The following WDR75 variants were observed in gnomAD, a reference collection of about 807,000 sequenced individuals.
WDR75 encodes WD repeat domain 75.
A neutral mutation model predicts 106.1 loss-of-function variants in WDR75; 52 were observed. That is an observed-to-expected ratio of 0.49 (90% confidence interval 0.39 to 0.62). The LOEUF is 0.62. Among genes scored for constraint, WDR75 ranks in the 20% least tolerant of loss-of-function variants. WDR75 has a pLI of 0.00. For synonymous variants in WDR75, 333 were observed against 335.5 expected (o/e 0.99, Z 0.08); for missense variants, 905 against 970.3 (o/e 0.93, Z 0.89).
At chr2:189,442,405 A>G (rs1367597398) in intron 1 of WDR75, among the ~76,000 whole-genome samples, 2 of 142,608 alleles carry the variant, frequency 1.4e-5, no homozygotes, top group Non-Finnish European at 3.1e-5. Context: ...AAGAGTAGAG[A>G]TAGTATTTTA....
chr2:189,466,743 C>T (rs760188501), intron 13 of WDR75, among the ~76,000 whole-genome samples, 161 bp downstream of exon 13: 4 of 152,050 alleles, frequency 2.6e-5, no homozygotes, highest in Admixed American at 6.6e-5. Flanking sequence ...ATTTTACATG[C>T]CTTTTTCCTC....
chr2:189,474,207 C>T lies in WDR75; in HGVS notation c.2071C>T (p.Pro691Ser), dbSNP rs1687167677. 1.2e-6 allele frequency: 2 copies of T among 1,612,134 alleles called. No individual in the cohort carries two copies. Among genetic ancestry groups the T allele is most frequent in the African/African-American group, 1.3e-5 (1 of 74,934 alleles). Residue 691 changes from proline to serine, a missense_variant, in exon 19 of 21, where the codon CCC (proline) becomes TCC (serine). Physicochemically the swap from Pro to Ser is moderately conservative, Grantham distance 74 (BLOSUM62 -1). Coordinates refer to ENST00000314761, the MANE Select transcript of WDR75 (RefSeq NM_032168.3). ...AAAGCTGCTAGCAGAAGAAAGTCTT[C>T]CCACAACCCCATTTTATTTCATATT... ...SKQLLAEESL[P>S]TTPFYFILGK...
At chr2:189,460,841 A>G (rs983890303) in intron 8 of WDR75, among the ~76,000 whole-genome samples, 5 of 152,184 alleles carry the variant, frequency 3.3e-5, no homozygotes, top group Non-Finnish European at 5.9e-5. Context: ...TTCAAGTAGC[A>G]TGAATATTTT....
intron 18 of WDR75, among the ~76,000 whole-genome samples, chr2:189,472,242 G>A (rs1400518993): frequency 6.6e-6 from 1 of 152,104 alleles, no homozygotes; most frequent in Non-Finnish European, 1.5e-5. Flanking sequence ...TTGTGGTGGG[G>A]TAGAGAATAG....
At chr2:189,469,984 G>A in intron 16 of WDR75, 92 bp from the exon 17 acceptor site, 1 of 1,126,578 alleles carries the variant, frequency 8.9e-7, no homozygotes, top group Non-Finnish European at 1.3e-6. Context: ...ACTCAATGGG[G>A]TGAGTCCCAG....
intron 9 of WDR75, among the ~76,000 whole-genome samples, chr2:189,462,975 T>C (rs1034110096): frequency 6.6e-6 from 1 of 152,178 alleles, no homozygotes; most frequent in Non-Finnish European, 1.5e-5. Flanking sequence ...TTCATAAACC[T>C]TCCGTTTTCA....
intron 14 of WDR75, 66 bp from the exon 15 acceptor site, chr2:189,468,409 T>C (rs1687049130): frequency 7.0e-7 from 1 of 1,425,396 alleles, no homozygotes; most frequent in Admixed American, 1.7e-5. Flanking sequence ...GCTGGAAGCC[T>C]GCAGTTCTTT....
intron 12 of WDR75, 84 bp from the exon 13 acceptor site, chr2:189,466,341 G>T: frequency 6.8e-7 from 1 of 1,461,332 alleles, no homozygotes; most frequent in Non-Finnish European, 9.4e-7. Flanking sequence ...AGATGCTATT[G>T]TAAAATGTAC....
chr2:189,470,846 C>A lies in WDR75; in HGVS notation c.2017C>A (p.Pro673Thr). The change falls in exon 18 of 21, where the codon CCA becomes ACA. Residue 673 changes from proline to threonine, a missense_variant. Transcript: ENST00000314761. The part of the protein sequence containing the change: ...QSLLTFSTKS[P>T]EEKLTPTSKQ... ...TTTATTGACATTCAGTACAAAGTCTCCAGAAGAAAAACTCACACCAACAAG... is the reference window on the plus strand; with the variant it reads ...TTTATTGACATTCAGTACAAAGTCTACAGAAGAAAAACTCACACCAACAAG... The A allele has an allele frequency of 6.3e-7, 1 of 1,595,010 alleles. No individual in the cohort carries two copies. Among genetic ancestry groups the A allele is most frequent in the Non-Finnish European group, 8.5e-7 (1 of 1,172,176 alleles).
chr2:189,453,342 T>A (rs1686665569), intron 4 of WDR75, among the ~76,000 whole-genome samples: 1 of 152,192 alleles, frequency 6.6e-6, no homozygotes, highest in Admixed American at 6.5e-5. Flanking sequence ...TCGTCCCAGG[T>A]GATTCTGCTC....
chr2:189,444,529 A>C (rs1413763941), intron 1 of WDR75, among the ~76,000 whole-genome samples: 2 of 152,182 alleles, frequency 1.3e-5, no homozygotes, highest in African/African-American at 4.8e-5. Context: ...AAACTGAAAC[A>C]ATGAGTCATC....
rs148423434 is a variant in WDR75 at position 189,462,532 on chromosome 2, G to A, written c.827G>A (p.Arg276His). The A allele has an allele frequency of 1.7e-5, 27 of 1,613,904 alleles. No individual in the cohort carries two copies. The highest frequency in any genetic ancestry group is 1.6e-4 in the Middle Eastern group (1 of 6,082). The change falls in exon 9 of 21, where the codon CGC becomes CAC. Residue 276 changes from arginine to histidine, a missense_variant. Transcript: ENST00000314761. The stretch of plus-strand genomic sequence containing the variant: ...CGTGAATCTGTACTTGTAGAGTGGC[G>A]CGATGCAACAGAGAAGAATAAGGAG... The part of the protein sequence containing the change: ...GGRESVLVEW[R>H]DATEKNKEFL...
chr2:189,472,828 A>C (rs902344562), intron 18 of WDR75, among the ~76,000 whole-genome samples: 1 of 152,228 alleles, frequency 6.6e-6, no homozygotes, highest in Non-Finnish European at 1.5e-5. Flanking sequence ...CCCAAAACTT[A>C]ACCTGAAGCC....
At chr2:189,450,036 T>C (rs1686583044) in intron 2 of WDR75, 2 of 984,990 alleles carry the variant, frequency 2.0e-6, no homozygotes, top group African/African-American at 3.5e-5. Context: ...GGTCTTCTGG[T>C]GCTACCAAAG....
chr2:189,455,281 CT>C, intron 4 of WDR75, 38 bp from the exon 5 acceptor site: 1 of 1,599,928 alleles, frequency 6.3e-7, no homozygotes, highest in Non-Finnish European at 8.5e-7. Context: ...TTTGCTCTCT[CT>C]AGAGAAGCTT....
chr2:189,450,669 T>C (rs1686599710), intron 2 of WDR75: 2 of 1,330,132 alleles, frequency 1.5e-6, no homozygotes, highest in Non-Finnish European at 1.9e-6. Context: ...AGACAGAAAG[T>C]TGGCTTTTTT....
At chr2:189,462,994 C>G (rs147209909) in intron 9 of WDR75, among the ~76,000 whole-genome samples, 283 of 152,256 alleles carry the variant, frequency 1.9e-3, no homozygotes, top group Admixed American at 3.6e-3. Context: ...CAAAAGAATA[C>G]TGCAAGATTC....
chr2:189,463,890 G>A lies in WDR75; in HGVS notation c.1042G>A (p.Ala348Thr). The change falls in exon 11 of 21, where the codon GCT becomes ACT. Residue 348 changes from alanine to threonine, a missense_variant. Ala to Thr is a moderately conservative substitution (Grantham distance 58, BLOSUM62 0). Coordinates refer to ENST00000314761, the MANE Select transcript of WDR75 (RefSeq NM_032168.3). ...TTTGATGATTGATCCAAGAACTAAA[G>A]CTTTGGTTTTGAATGGAAAACCTGG... ...TGLMIDPRTK[A>T]LVLNGKPGHL... 1 of 1,613,842 alleles carries A rather than the reference G, an allele frequency of 6.2e-7. No homozygotes were observed. Among genetic ancestry groups the A allele is most frequent in the African/African-American group, 1.3e-5 (1 of 75,002 alleles).
intron 2 of WDR75, chr2:189,450,307 T>G (rs2106113654): frequency 1.0e-6 from 1 of 985,764 alleles, no homozygotes. Context: ...TAAGCTGAGT[T>G]CTGGCAGGAA....
Sources: allele counts gnomAD v4.1 joint callset (sites outside exome capture counted in the v4.1 genomes callset), GRCh38; gene constraint gnomAD v4.1.1; transcripts MANE v1.5; gene names NCBI Gene and HGNC (gene_info 2026-07-23, HGNC 2026-07-21).